The following EXOC4 variants were observed in gnomAD, a reference collection of about 807,000 sequenced individuals.
EXOC4 encodes exocyst complex component 4, also known as SEC8-like 1.
In EXOC4, 71 loss-of-function variants were observed where a neutral mutation model predicts 107.2. That is an observed-to-expected ratio of 0.66 (90% confidence interval 0.55 to 0.81). The LOEUF is 0.81. Ranked by LOEUF, EXOC4 falls within the 30% of genes least tolerant of loss-of-function variation. The pLI, the probability that EXOC4 is intolerant of heterozygous loss-of-function variation, is 0.00. For missense variants in EXOC4, 1,108 were observed against 1,189.6 expected, an observed-to-expected ratio of 0.93 and a Z score of 1.01; for synonymous variants, 456 against 441.2, an observed-to-expected ratio of 1.03 and a Z score of -0.42.
At chr7:133,963,756 C>T (rs1370125053) in intron 14 of EXOC4, among the ~76,000 whole-genome samples, 2 of 152,186 alleles carry the variant, frequency 1.3e-5, no homozygotes, top group African/African-American at 4.8e-5. Flanking sequence ...ATCCTTTAAG[C>T]CTGCTCTGTG....
At chr7:133,629,832 C>T (rs1015137844) in intron 9 of EXOC4, among the ~76,000 whole-genome samples, 4 of 151,994 alleles carry the variant, frequency 2.6e-5, no homozygotes, top group Non-Finnish European at 4.4e-5. Context: ...TGTGAGCCAC[C>T]GTGCCCGGCT....
At chr7:133,418,188 A>C (rs2150754728) in intron 7 of EXOC4, among the ~76,000 whole-genome samples, 1 of 152,344 alleles carries the variant, frequency 6.6e-6, no homozygotes, top group South Asian at 2.1e-4. Flanking sequence ...TTTAGACTAT[A>C]GGCTACAATC....
chr7:133,598,289 A>T (rs1695679831), intron 9 of EXOC4, among the ~76,000 whole-genome samples: 1 of 152,200 alleles, frequency 6.6e-6, no homozygotes, highest in African/African-American at 2.4e-5. Context: ...CACCTGAGTT[A>T]ATTATGTTAG....
chr7:133,807,149 T>G (rs539885680), intron 10 of EXOC4, among the ~76,000 whole-genome samples: 1 of 152,168 alleles, frequency 6.6e-6, no homozygotes, highest in Non-Finnish European at 1.5e-5. Context: ...CAGACCCAGA[T>G]GGTCTTGGAA....
intron 10 of EXOC4, among the ~76,000 whole-genome samples, chr7:133,800,218 A>G (rs558470822): frequency 6.6e-6 from 1 of 152,304 alleles, no homozygotes; most frequent in South Asian, 2.1e-4. Context: ...TTGAAATGTT[A>G]TTATCCAGTT....
chr7:134,078,959 A>G, the EXOC4 span, among the ~76,000 whole-genome samples: 1 of 152,188 alleles, frequency 6.6e-6, no homozygotes, highest in African/African-American at 2.4e-5. Context: ...TACAGAGTTC[A>G]GAAGGGAAGT....
intron 5 of EXOC4, among the ~76,000 whole-genome samples, chr7:133,319,858 T>TTTG (rs1795073404): frequency 6.9e-6 from 1 of 144,652 alleles, no homozygotes; most frequent in Non-Finnish European, 1.6e-5. Context: ...TTTTTTTTTT[T>TTTG]TGTGCGTGAC....
At chr7:133,961,815 T>A (rs1800951485) in intron 14 of EXOC4, among the ~76,000 whole-genome samples, 1 of 152,166 alleles carries the variant, frequency 6.6e-6, no homozygotes, top group Admixed American at 6.5e-5. Flanking sequence ...CCAGTGTAAC[T>A]CTTAGACCAG....
At chr7:134,037,714 A>T (rs1027813430) in intron 17 of EXOC4, among the ~76,000 whole-genome samples, 2 of 152,198 alleles carry the variant, frequency 1.3e-5, no homozygotes, top group African/African-American at 4.8e-5. Context: ...TCATCTTTCC[A>T]GTTCCTTCTG....
intron 7 of EXOC4, among the ~76,000 whole-genome samples, chr7:133,400,244 G>A (rs1797060182): frequency 1.3e-5 from 2 of 152,152 alleles, no homozygotes; most frequent in African/African-American, 2.4e-5. Flanking sequence ...GGTTCTAGAG[G>A]ACTGAAACTT....
Position 133,702,628 on chromosome 7 carries a change from T to C in EXOC4, c.1514+72487T>C, listed in dbSNP as rs1036661265. ...GATGTGAGCCACTGCACCCAGCCTGTATTTTATTTATTTAGGTGAGAAGAA... is the reference window on the plus strand; with the variant it reads ...GATGTGAGCCACTGCACCCAGCCTGCATTTTATTTATTTAGGTGAGAAGAA... On this transcript the variant is annotated intron_variant, in intron 10 of 17. Coordinates refer to ENST00000253861, the MANE Select transcript of EXOC4 (RefSeq NM_021807.4). Among the ~76,000 whole-genome samples, 5 of 151,694 alleles carry C rather than the reference T, an allele frequency of 3.3e-5. No homozygotes were observed. The East Asian group carries it at 9.9e-4, about 30-fold the overall frequency.
intron 10 of EXOC4, among the ~76,000 whole-genome samples, chr7:133,686,800 G>C (rs1794307408): frequency 6.6e-6 from 1 of 152,080 alleles, no homozygotes; most frequent in Admixed American, 6.6e-5. Flanking sequence ...ACAGTGTAGA[G>C]ATTCCTTAAA....
intron 6 of EXOC4, among the ~76,000 whole-genome samples, chr7:133,361,912 T>C (rs1055395714): frequency 2.0e-5 from 3 of 152,222 alleles, no homozygotes; most frequent in Admixed American, 2.0e-4. Context: ...CTTCACTTTT[T>C]TAATGTTTGA....
intron 9 of EXOC4, among the ~76,000 whole-genome samples, chr7:133,557,817 C>A (rs13312117): frequency 0.62 from 93,563 of 151,868 alleles, 30,007 homozygotes; most frequent in South Asian, 0.73. Flanking sequence ...ATGGCGAAAT[C>A]CCATCTCTAC....
intron 9 of EXOC4, among the ~76,000 whole-genome samples, chr7:133,483,757 C>G (rs1017576199): frequency 6.6e-5 from 10 of 152,186 alleles, no homozygotes; most frequent in African/African-American, 2.4e-4. Context: ...AAAAGTTTCT[C>G]TGATGAATGC....
At chr7:133,319,624 G>A (rs113941369) in intron 5 of EXOC4, among the ~76,000 whole-genome samples, 22,785 of 151,948 alleles carry the variant, frequency 0.15, 2,029 homozygotes, top group Middle Eastern at 0.21. Context: ...CAAGTAGCTG[G>A]GATTACAGGC....
At chr7:133,665,433 C>T (rs531718350) in intron 10 of EXOC4, among the ~76,000 whole-genome samples, 1 of 152,220 alleles carries the variant, frequency 6.6e-6, no homozygotes, top group South Asian at 2.1e-4. Context: ...CATTCTAAGA[C>T]TTCTGAAAGT....
chr7:133,503,999 A>G (rs1799623132), intron 9 of EXOC4, among the ~76,000 whole-genome samples: 3 of 151,964 alleles, frequency 2.0e-5, no homozygotes, highest in African/African-American at 7.3e-5. Context: ...GTGTATATAT[A>G]TATATGTATA....
chr7:133,489,748 T>C (rs1162669985), intron 9 of EXOC4, among the ~76,000 whole-genome samples: 1 of 152,144 alleles, frequency 6.6e-6, no homozygotes, highest in African/African-American at 2.4e-5. Flanking sequence ...CAGGATAAAA[T>C]AATGAACAGG....
Sources: allele counts gnomAD v4.1 joint callset (sites outside exome capture counted in the v4.1 genomes callset), GRCh38; gene constraint gnomAD v4.1.1; transcripts MANE v1.5; gene names NCBI Gene and HGNC (gene_info 2026-07-23, HGNC 2026-07-21).